EPHA10: variants seen among roughly 807,000 people sequenced by gnomAD.
The protein encoded by EPHA10 is ephrin type-A receptor 10.
EPHA10 carries 120 observed loss-of-function variants against 109.7 expected under a neutral mutation model. The ratio of observed to expected loss-of-function variants is 1.09; its 90% CI spans 0.94 to 1.27. EPHA10 has a LOEUF of 1.27. Among genes scored for constraint, EPHA10 ranks in the 50% most tolerant of loss-of-function variants. The pLI, the probability that EPHA10 is intolerant of heterozygous loss-of-function variation, is 0.00. For synonymous variants in EPHA10, 640 were observed against 618.9 expected, an observed-to-expected ratio of 1.03 and a Z score of -0.51; for missense variants, 1,396 against 1,411.1, an observed-to-expected ratio of 0.99 and a Z score of 0.17.
intron 3 of EPHA10, among the ~76,000 whole-genome samples, chr1:37,755,595 T>C (rs374955738): frequency 6.6e-6 from 1 of 152,196 alleles, no homozygotes; most frequent in South Asian, 2.1e-4. Flanking sequence ...CCCACTTATT[T>C]GCTGTGTGGC....
At chr1:37,727,061 T>A (rs1189500603) in intron 8 of EPHA10, 41 bp downstream of exon 8, 1 of 1,532,660 alleles carries the variant, frequency 6.5e-7, no homozygotes, top group African/African-American at 1.4e-5. Context: ...GCACGGGACA[T>A]GACCCACCAG....
At position 37,764,943 on chromosome 1, in the gene EPHA10, GC is replaced by G; in HGVS notation, c.106+17del. On this transcript the variant is annotated intron_variant, in intron 1 of 16. Transcript: ENST00000373048. This position sits in a 1 kb window ranked among gnomAD's most constrained non-coding sequence, Gnocchi z 5.8. ...TTTGGTATGCCACGCTCCGAGCAGA[GC>G]TCACCAGTCTTCTCACCTTCCTCGG... The G allele has an allele frequency of 6.3e-7, 1 of 1,592,772 alleles. No individual in the cohort carries two copies. The highest frequency in any genetic ancestry group is 8.5e-7 in the Non-Finnish European group (1 of 1,170,354).
In EPHA10 at chr1:37,764,081, G is replaced by A. The variant is rs1191059966; in HGVS notation, c.106+880C>T. 1.3e-5 allele frequency among the ~76,000 whole-genome samples: 2 copies of A among 152,180 alleles called. No homozygotes were observed. The highest frequency in any genetic ancestry group is 2.1e-4 in the South Asian group (1 of 4,828). ...CAGAGTCCGCAGACCAGAGACAGGA[G>A]GTCAGGACACCCCGGAGTCTTGGGA... On this transcript the variant is annotated intron_variant, in intron 1 of 16. Transcript: ENST00000373048. The surrounding 1 kb of genome is among the most constrained non-coding windows in gnomAD (Gnocchi z 5.8).
chr1:37,719,665 T>C (rs518583), intron 14 of EPHA10, 58 bp from the exon 15 acceptor site: 255,170 of 1,591,334 alleles, frequency 0.16, 21,566 homozygotes, highest in African/African-American at 0.19. Flanking sequence ...GCATATGGTG[T>C]GTGCACACAC....
chr1:37,721,419 C>T (rs1450924250), intron 11 of EPHA10, among the ~76,000 whole-genome samples: 1 of 146,270 alleles, frequency 6.8e-6, no homozygotes, highest in Middle Eastern at 3.4e-3. Context: ...CAGAGCGAGA[C>T]TCCATCTCAA....
chr1:37,752,249 T>A (rs2148363641), intron 5 of EPHA10, among the ~76,000 whole-genome samples: 1 of 152,292 alleles, frequency 6.6e-6, no homozygotes, highest in Non-Finnish European at 1.5e-5. Context: ...TCACCTCATG[T>A]CCAGACTCAG....
At chr1:37,730,027 C>T (rs989134431) in intron 7 of EPHA10, among the ~76,000 whole-genome samples, 1 of 152,114 alleles carries the variant, frequency 6.6e-6, no homozygotes, top group Admixed American at 6.5e-5. Context: ...GACCATCAGC[C>T]CTTCTCCACT....
chr1:37,714,210 C>T (rs748924522), downstream of EPHA10: 1 of 152,230 alleles, frequency 6.6e-6, no homozygotes, highest in African/African-American at 2.4e-5. Context: ...TTTGCATGTC[C>T]TGAACTATGC....
chr1:37,728,826 A>G (rs1645936173), intron 7 of EPHA10, among the ~76,000 whole-genome samples: 1 of 152,106 alleles, frequency 6.6e-6, no homozygotes, highest in Admixed American at 6.5e-5. Flanking sequence ...AAGAGGGCTG[A>G]GGGTCTGGGT....
At chr1:37,737,221 A>G (rs899973635) in intron 5 of EPHA10, among the ~76,000 whole-genome samples, 1 of 152,092 alleles carries the variant, frequency 6.6e-6, no homozygotes, top group Non-Finnish European at 1.5e-5. Context: ...GGCCAAGGTG[A>G]GAGAATCACT....
chr1:37,737,295 A>G (rs1485592207), intron 5 of EPHA10, among the ~76,000 whole-genome samples: 1 of 152,118 alleles, frequency 6.6e-6, no homozygotes, highest in Non-Finnish European at 1.5e-5. Flanking sequence ...ACAAAAACCA[A>G]CCAACAACAA....
intron 10 of EPHA10, 30 bp from the exon 11 acceptor site, chr1:37,721,875 C>T: frequency 6.6e-7 from 1 of 1,512,240 alleles, no homozygotes. Context: ...CAGATACCGC[C>T]AGAGGCCACT....
In EPHA10 at chr1:37,717,669, T is replaced by C. The variant is rs2148299805; in HGVS notation, c.*703A>G. 1 of 231,486 alleles carries C rather than the reference T, an allele frequency of 4.3e-6. No homozygotes were observed. Among genetic ancestry groups the C allele is most frequent in the South Asian group, 1.8e-4 (1 of 5,522 alleles). The allele number at this position is 231,486 out of a possible 1,614,324, so 14.3% of individuals were successfully genotyped here. A position where few individuals can be genotyped will look rare whatever the true frequency, so the allele number is the denominator to read the frequency against. On this transcript the variant is annotated 3_prime_UTR_variant, in exon 17 of 17. Coordinates refer to ENST00000373048, the MANE Select transcript of EPHA10 (RefSeq NM_001099439.2). ...TGGGGCCCCAGGGAGCACCAGGGCC[T>C]CTCATGGCCCGGCCTGGCCAGGACT...
chr1:37,728,581 C>T (rs1645932342), intron 7 of EPHA10, among the ~76,000 whole-genome samples: 1 of 152,014 alleles, frequency 6.6e-6, no homozygotes, highest in Admixed American at 6.6e-5. Flanking sequence ...CAGCAAGGTG[C>T]CCAGGGAATG....
At chr1:37,755,963 G>A (rs1426620280) in intron 3 of EPHA10, among the ~76,000 whole-genome samples, 1 of 152,158 alleles carries the variant, frequency 6.6e-6, no homozygotes, top group Non-Finnish European at 1.5e-5. Flanking sequence ...GGAACTTTCA[G>A]CCTGTGTGGC....
chr1:37,732,269 C>T (rs535764183), intron 6 of EPHA10, among the ~76,000 whole-genome samples: 1 of 152,058 alleles, frequency 6.6e-6, no homozygotes, highest in African/African-American at 2.4e-5. Context: ...AGGTTCACAT[C>T]AAGGAAGGGG....
intron 2 of EPHA10, among the ~76,000 whole-genome samples, chr1:37,762,349 G>A (rs963255798): frequency 1.2e-4 from 19 of 152,152 alleles, no homozygotes; most frequent in African/African-American, 4.6e-4. Context: ...GTAGTTTCCT[G>A]ACTCTCTGAC....
downstream of EPHA10, chr1:37,714,225 G>A (rs1454775777): frequency 6.6e-6 from 1 of 152,236 alleles, no homozygotes; most frequent in Non-Finnish European, 1.5e-5. Flanking sequence ...CTATGCAGAG[G>A]AGGAAGACGC....
At position 37,719,635 on chromosome 1, in the gene EPHA10, G is replaced by A. The variant is rs1645753597; in HGVS notation, c.2563-28C>T. ...GGGCCACAGGGGTGGGGAGCAGAGA[G>A]GAGGCTCTGGGTTTCCCCAGCATAT... On this transcript the variant is annotated intron_variant, in intron 14 of 16. Coordinates refer to ENST00000373048, the MANE Select transcript of EPHA10 (RefSeq NM_001099439.2). 3.7e-6 allele frequency: 6 copies of A among 1,610,470 alleles called. No homozygotes were observed. In the East Asian group the frequency reaches 1.1e-4, roughly 30 times the overall value.
Sources: allele counts gnomAD v4.1 joint callset (sites outside exome capture counted in the v4.1 genomes callset), GRCh38; gene constraint gnomAD v4.1.1; non-coding constraint Gnocchi (gnomAD v3.1); transcripts MANE v1.5; gene names NCBI Gene and HGNC (gene_info 2026-07-23, HGNC 2026-07-21).